WWTR1: variants seen among roughly 807,000 people sequenced by gnomAD.
WWTR1 encodes WW domain containing transcription regulator 1.
A neutral mutation model predicts 40.1 loss-of-function variants in WWTR1; 13 were observed. The ratio of observed to expected loss-of-function variants is 0.32; its 90% CI spans 0.21 to 0.52. WWTR1 has a LOEUF of 0.52. Among genes scored for constraint, WWTR1 ranks in the 20% least tolerant of loss-of-function variants. The pLI is 0.97. For synonymous variants in WWTR1, 230 were observed against 210.1 expected, an observed-to-expected ratio of 1.09 and a Z score of -0.82; for missense variants, 436 against 523.1, an observed-to-expected ratio of 0.83 and a Z score of 1.63.
intron 4 of WWTR1, chr3:149,540,225 G>A (rs1175176105): frequency 1.8e-5 from 8 of 456,552 alleles, no homozygotes; most frequent in Non-Finnish European, 1.8e-5. Context: ...CTATGATGCA[G>A]CACAACGCCC....
chr3:149,625,177 A>G (rs1486013186), intron 2 of WWTR1, among the ~76,000 whole-genome samples: 1 of 133,196 alleles, frequency 7.5e-6, no homozygotes, highest in Non-Finnish European at 1.5e-5. Context: ...GCTGGAGTGC[A>G]GTGGTGCGAT....
chr3:149,588,799 C>T (rs536814833), intron 2 of WWTR1, among the ~76,000 whole-genome samples: 106 of 152,302 alleles, frequency 7.0e-4, no homozygotes, highest in African/African-American at 2.3e-3. Context: ...CCTATACCTG[C>T]TCATTACAGC....
At chr3:149,650,283 C>A (rs116581488) in intron 2 of WWTR1, 1,940 of 152,308 alleles carry the variant, frequency 0.013, 21 homozygotes, top group Non-Finnish European at 0.02. Flanking sequence ...TTATGGGCCA[C>A]ACAATTGGCA....
rs532658358 is a variant in WWTR1 at position 149,716,212 on chromosome 3, G to A, written n.584+1230C>T. 1.1e-4 allele frequency among the ~76,000 whole-genome samples: 17 copies of A among 152,032 alleles called. No individual in the cohort carries two copies. The East Asian group carries it at 3.3e-3, about 29-fold the overall frequency. ...AGCCTGGCCAACATGGTAAAACCCT[G>A]TCTCTACTAAAAATTCAAAAATTAG... On this transcript the variant is annotated intron_variant and non_coding_transcript_variant, in intron 5 of 6. Coordinates refer to the WWTR1 transcript ENST00000474080.
intron 4 of WWTR1, among the ~76,000 whole-genome samples, chr3:149,538,005 C>T (rs1023933579): frequency 2.0e-5 from 3 of 151,938 alleles, no homozygotes; most frequent in African/African-American, 7.3e-5. Flanking sequence ...CTGCAACCTC[C>T]ACCTCCCAGG....
chr3:149,679,635 G>C (rs537398060), intron 1 of WWTR1, among the ~76,000 whole-genome samples: 64 of 147,384 alleles, frequency 4.3e-4, no homozygotes, highest in South Asian at 1.1e-3. Flanking sequence ...GAGAACAGAT[G>C]GAATGGTGGG....
chr3:149,694,655 C>T (rs1714923601), intron 1 of WWTR1, among the ~76,000 whole-genome samples: 1 of 152,086 alleles, frequency 6.6e-6, no homozygotes, highest in South Asian at 2.1e-4. Context: ...TGGCTTGTAT[C>T]CAAAAGACAG....
upstream of WWTR1, among the ~76,000 whole-genome samples, chr3:149,662,157 T>A (rs545261757): frequency 7.2e-5 from 11 of 151,760 alleles, no homozygotes; most frequent in Non-Finnish European, 1.5e-4. Context: ...TTTGTCCAAA[T>A]ATATACAATG....
intron 2 of WWTR1, among the ~76,000 whole-genome samples, chr3:149,615,042 A>T (rs1739908796): frequency 6.6e-6 from 1 of 152,176 alleles, no homozygotes; most frequent in South Asian, 2.1e-4. Context: ...CTAGTCTACT[A>T]GTATTGAGGT....
intron 5 of WWTR1, among the ~76,000 whole-genome samples, chr3:149,714,338 T>C (rs2108233203): frequency 6.6e-6 from 1 of 152,246 alleles, no homozygotes; most frequent in Non-Finnish European, 1.5e-5. Context: ...ACCAGGCATC[T>C]CTGAACTCTC....
At chr3:149,657,472 AC>A in intron 1 of WWTR1, 163 bp from the exon 2 acceptor site, 1 of 827,876 alleles carries the variant, frequency 1.2e-6, no homozygotes, top group Non-Finnish European at 1.8e-6. Flanking sequence ...CAGCGGTAAG[AC>A]CAGCAGGATG....
chr3:149,712,778 C>T (rs1252089272), intron 5 of WWTR1, among the ~76,000 whole-genome samples: 1 of 152,190 alleles, frequency 6.6e-6, no homozygotes, highest in Non-Finnish European at 1.5e-5. Context: ...CTAAATATTA[C>T]TCATTTTACT....
At chr3:149,714,428 C>A (rs951206070) in intron 5 of WWTR1, among the ~76,000 whole-genome samples, 1 of 152,224 alleles carries the variant, frequency 6.6e-6, no homozygotes, top group Non-Finnish European at 1.5e-5. Flanking sequence ...CCGCTCCCAG[C>A]GCCCCCTCGG....
intron 3 of WWTR1, among the ~76,000 whole-genome samples, chr3:149,558,486 A>G (rs1027593253): frequency 2.0e-5 from 3 of 152,202 alleles, no homozygotes; most frequent in African/African-American, 7.2e-5. Context: ...CATTAGCTTT[A>G]CAGAACATAT....
intron 2 of WWTR1, among the ~76,000 whole-genome samples, chr3:149,610,818 G>A (rs1739703450): frequency 6.6e-6 from 1 of 152,096 alleles, no homozygotes; most frequent in Non-Finnish European, 1.5e-5. Flanking sequence ...GGACTCAAAA[G>A]AAGAAAACAG....
At chr3:149,558,553 T>G (rs971449233) in intron 3 of WWTR1, among the ~76,000 whole-genome samples, 2 of 152,148 alleles carry the variant, frequency 1.3e-5, no homozygotes, top group African/African-American at 4.8e-5. Context: ...CCACCTTCCA[T>G]AGACACTACC....
intron 2 of WWTR1, among the ~76,000 whole-genome samples, chr3:149,644,922 A>G: frequency 6.6e-6 from 1 of 152,030 alleles, no homozygotes; most frequent in Non-Finnish European, 1.5e-5. Context: ...GCCTGATCTC[A>G]GCTCACTCCA....
At chr3:149,716,660 A>G (rs1576650978) in intron 5 of WWTR1, among the ~76,000 whole-genome samples, 1 of 152,184 alleles carries the variant, frequency 6.6e-6, no homozygotes, top group East Asian at 1.9e-4. Flanking sequence ...GTTTTTTAAT[A>G]GTAAACAAAC....
At chr3:149,623,728 T>C (rs1027632734) in intron 2 of WWTR1, among the ~76,000 whole-genome samples, 10 of 152,232 alleles carry the variant, frequency 6.6e-5, no homozygotes, top group Non-Finnish European at 1.2e-4. Flanking sequence ...TCATCCACTA[T>C]GTGACCGTGT....
Sources: gnomAD v4.1 joint callset for allele counts (sites outside exome capture counted in the v4.1 genomes callset) on GRCh38, gnomAD v4.1.1 for gene constraint, MANE v1.5 for transcripts, NCBI Gene and HGNC (gene_info 2026-07-23, HGNC 2026-07-21) for gene names.